TENM3: variants seen among roughly 807,000 people sequenced by gnomAD.
TENM3 encodes teneurin transmembrane protein 3.
TENM3 carries 63 observed loss-of-function variants against 255.1 expected under a neutral mutation model. That is an observed-to-expected ratio of 0.25 (90% CI 0.20 to 0.30). The LOEUF (loss-of-function observed/expected upper bound fraction) is 0.30, where lower values mean the gene tolerates loss of function less well. TENM3 is among the 10% of genes least tolerant of loss of function. The pLI, the probability that TENM3 is intolerant of heterozygous loss-of-function variation, is 1.00. For synonymous variants in TENM3, 1,306 were observed against 1,322.3 expected (o/e 0.99, Z 0.27); for missense variants, 2,929 against 3,461.1 (o/e 0.85, Z 3.86).
chr4:182,459,122 G>A (rs1443232307), intron 3 of TENM3, among the ~76,000 whole-genome samples: 1 of 152,070 alleles, frequency 6.6e-6, no homozygotes, highest in African/African-American at 2.4e-5. Context: ...TTGATTGCTT[G>A]CCTTCCTTCA....
At chr4:181,811,495 T>G in the TENM3 span, among the ~76,000 whole-genome samples, 1 of 152,178 alleles carries the variant, frequency 6.6e-6, no homozygotes, top group Non-Finnish European at 1.5e-5. Flanking sequence ...GCATTTTGAG[T>G]TAACTAGGTG....
the TENM3 span, among the ~76,000 whole-genome samples, chr4:182,042,647 G>A: frequency 2.6e-5 from 4 of 152,118 alleles, no homozygotes; most frequent in Non-Finnish European, 2.9e-5. Context: ...CGAATATGTA[G>A]GAATGTCGAC....
intron 3 of TENM3, among the ~76,000 whole-genome samples, chr4:182,411,158 C>G (rs1384819989): frequency 6.6e-6 from 1 of 152,228 alleles, no homozygotes; most frequent in Non-Finnish European, 1.5e-5. Context: ...AAGCCTGTCC[C>G]TCACAGCTTC....
intron 22 of TENM3, among the ~76,000 whole-genome samples, chr4:182,767,419 A>G (rs1447985381): frequency 6.6e-6 from 1 of 152,180 alleles, no homozygotes; most frequent in African/African-American, 2.4e-5. Context: ...AGGCTGTTAC[A>G]AATTAGCAAT....
intron 3 of TENM3, among the ~76,000 whole-genome samples, chr4:182,414,826 TACAC>T (rs1016512598): frequency 6.6e-6 from 1 of 152,012 alleles, no homozygotes. Flanking sequence ...TGCACACACA[TACAC>T]ACACACAAAG....
At chr4:182,108,683 C>T in the TENM3 span, among the ~76,000 whole-genome samples, 4 of 152,038 alleles carry the variant, frequency 2.6e-5, no homozygotes, top group African/African-American at 9.7e-5. Context: ...AGGATAATTC[C>T]AAATACAATT....
Position 182,793,269 on chromosome 4 carries a change from A to G in TENM3, c.6597A>G (p.Gln2199=), listed in dbSNP as rs1001372533. 6 of 1,613,788 alleles carry G rather than the reference A, an allele frequency of 3.7e-6. No homozygotes were observed. The African/African-American group carries it at 5.3e-5, about 14-fold the overall frequency. The change falls in exon 26 of 28, where the codon CAA becomes CAG. Residue 2199 remains glutamine (Q), a synonymous_variant. Transcript: ENST00000511685. This position sits in a 1 kb window ranked among gnomAD's most constrained non-coding sequence, Gnocchi z 5.7. The stretch of plus-strand genomic sequence containing the variant: ...TGGATGAAGATGGTTTCCTACGTCA[A>G]AGGGGCACGGAAATCTTTGAATATA... ...YRLDEDGFLR[Q]RGTEIFEYSS... is the part of the protein sequence containing the mutation.
At chr4:181,787,233 C>A in the TENM3 span, among the ~76,000 whole-genome samples, 12 of 152,184 alleles carry the variant, frequency 7.9e-5, no homozygotes, top group African/African-American at 2.9e-4. Context: ...ACTGACAGAA[C>A]AGACTCTTTG....
the TENM3 span, among the ~76,000 whole-genome samples, chr4:181,930,026 G>T: frequency 6.6e-6 from 1 of 152,070 alleles, no homozygotes; most frequent in East Asian, 1.9e-4. Context: ...CTAAAGCAGT[G>T]TTTAGAGGGA....
intron 3 of TENM3, among the ~76,000 whole-genome samples, chr4:182,469,190 G>T (rs1463174895): frequency 6.6e-6 from 1 of 152,108 alleles, no homozygotes; most frequent in African/African-American, 2.4e-5. Context: ...CTGCCTGAAT[G>T]AATTTGAAAA....
chr4:181,509,449 G>A, the TENM3 span, among the ~76,000 whole-genome samples: 19 of 151,250 alleles, frequency 1.3e-4, no homozygotes, highest in African/African-American at 3.6e-4. Context: ...GTAACTCTTC[G>A]GGCTTCCTTC....
chr4:181,898,960 T>C, the TENM3 span, among the ~76,000 whole-genome samples: 1 of 152,176 alleles, frequency 6.6e-6, no homozygotes, highest in Non-Finnish European at 1.5e-5. Flanking sequence ...TAGTCTTTAA[T>C]GTATTATTTA....
chr4:181,963,184 C>T, the TENM3 span, among the ~76,000 whole-genome samples: 10 of 152,264 alleles, frequency 6.6e-5, no homozygotes, highest in African/African-American at 1.9e-4. Context: ...AAAGCTGTCT[C>T]AAACAGATGG....
intron 1 of TENM3, among the ~76,000 whole-genome samples, chr4:182,198,653 G>A (rs142539982): frequency 1.0e-3 from 157 of 152,358 alleles, no homozygotes; most frequent in African/African-American, 3.5e-3. Flanking sequence ...ATGGAAATAG[G>A]TGCAGGCGAC....
chr4:182,487,530 G>A (rs1272757860), intron 3 of TENM3, among the ~76,000 whole-genome samples: 2 of 152,076 alleles, frequency 1.3e-5, no homozygotes, highest in Non-Finnish European at 2.9e-5. Context: ...GGTGTATTAA[G>A]TATACCACTG....
the TENM3 span, among the ~76,000 whole-genome samples, chr4:181,568,608 G>T: frequency 1.1e-4 from 17 of 152,256 alleles, no homozygotes; most frequent in African/African-American, 4.1e-4. Context: ...GGGAAATCTG[G>T]TACCTAGGAC....
the TENM3 span, among the ~76,000 whole-genome samples, chr4:181,735,547 A>C: frequency 6.8e-4 from 103 of 152,318 alleles, 1 homozygote; most frequent in Middle Eastern, 6.8e-3. Context: ...CAAAGCAGAA[A>C]ACCTTTAGAC....
chr4:181,477,950 C>T, the TENM3 span, among the ~76,000 whole-genome samples: 1 of 152,120 alleles, frequency 6.6e-6, no homozygotes, highest in Non-Finnish European at 1.5e-5. Context: ...GACAGGGTAG[C>T]CTATTTAAAT....
At chr4:182,296,790 G>A (rs1457762442) in intron 1 of TENM3, among the ~76,000 whole-genome samples, 1 of 152,044 alleles carries the variant, frequency 6.6e-6, no homozygotes, top group Non-Finnish European at 1.5e-5. Context: ...TCTTCCTCAG[G>A]AGTTCTGGAA....
Sources: allele counts gnomAD v4.1 joint callset (sites outside exome capture counted in the v4.1 genomes callset), GRCh38; gene constraint gnomAD v4.1.1; non-coding constraint Gnocchi (gnomAD v3.1); transcripts MANE v1.5; gene names NCBI Gene and HGNC (gene_info 2026-07-23, HGNC 2026-07-21).